Variants in SLC4A10 observed in about 807,000 individuals in gnomAD.
The protein encoded by SLC4A10 is solute carrier family 4 member 10, also known as sodium-driven chloride bicarbonate exchanger.
SLC4A10 carries 42 observed loss-of-function variants against 137.7 expected under a neutral mutation model. The observed-to-expected ratio is 0.30, with a 90% confidence interval of 0.24 to 0.39. The LOEUF (loss-of-function observed/expected upper bound fraction) is 0.39, where lower values mean the gene tolerates loss of function less well. SLC4A10 is among the 10% of genes least tolerant of loss of function. The pLI, the probability that SLC4A10 is intolerant of heterozygous loss-of-function variation, is 1.00. For synonymous variants in SLC4A10, 474 were observed against 464.1 expected, an observed-to-expected ratio of 1.02 and a Z score of -0.27; for missense variants, 925 against 1,355.0, an observed-to-expected ratio of 0.68 and a Z score of 4.98.
intron 16 of SLC4A10, among the ~76,000 whole-genome samples, chr2:161,947,120 A>G (rs1693955947): frequency 6.6e-6 from 1 of 152,126 alleles, no homozygotes; most frequent in Non-Finnish European, 1.5e-5. Context: ...GTTTCCTCAG[A>G]CATGGAATAT....
chr2:161,782,830 A>T (rs997057198), intron 2 of SLC4A10, among the ~76,000 whole-genome samples: 2 of 150,598 alleles, frequency 1.3e-5, no homozygotes, highest in African/African-American at 4.9e-5. Flanking sequence ...GAAAAAGAAT[A>T]AAAAAAGCTT....
intron 1 of SLC4A10, among the ~76,000 whole-genome samples, chr2:161,626,513 C>G (rs1029054668): frequency 2.6e-5 from 4 of 152,086 alleles, no homozygotes; most frequent in Non-Finnish European, 1.5e-5. Context: ...AAGAGGGAAT[C>G]ATATTAGCAG....
intron 1 of SLC4A10, among the ~76,000 whole-genome samples, chr2:161,729,680 T>C (rs2046630215): frequency 6.6e-6 from 1 of 152,104 alleles, no homozygotes; most frequent in East Asian, 1.9e-4. Context: ...ATCTGAAAAA[T>C]TGTGCTCAGA....
chr2:161,686,481 T>G (rs560281680), intron 1 of SLC4A10, among the ~76,000 whole-genome samples: 1 of 152,330 alleles, frequency 6.6e-6, no homozygotes, highest in Admixed American at 6.5e-5. Flanking sequence ...CTTAATTGTC[T>G]CATTCTTCTT....
At chr2:161,910,678 C>T (rs1311812204) in intron 15 of SLC4A10, among the ~76,000 whole-genome samples, 4 of 151,956 alleles carry the variant, frequency 2.6e-5, no homozygotes, top group Non-Finnish European at 5.9e-5. Context: ...ATAATGATTA[C>T]CAAGCTGTTG....
chr2:161,641,857 T>C (rs2035367503), intron 1 of SLC4A10, among the ~76,000 whole-genome samples: 1 of 152,164 alleles, frequency 6.6e-6, no homozygotes, highest in South Asian at 2.1e-4. Context: ...TAAAAATACA[T>C]GAAGCTGCCT....
chr2:161,960,353 G>A (rs1250631667), intron 21 of SLC4A10, among the ~76,000 whole-genome samples: 7 of 120,846 alleles, frequency 5.8e-5, no homozygotes, highest in African/African-American at 2.3e-4. Flanking sequence ...GGCAGAAAGA[G>A]ACTCTGTCTC....
intron 23 of SLC4A10, among the ~76,000 whole-genome samples, chr2:161,970,593 C>T (rs1221840832): frequency 6.6e-6 from 1 of 152,188 alleles, no homozygotes; most frequent in Non-Finnish European, 1.5e-5. Context: ...CTCTAACACT[C>T]TAAGCATATT....
chr2:161,747,455 AC>A (rs1245994771), intron 1 of SLC4A10, among the ~76,000 whole-genome samples: 3 of 151,964 alleles, frequency 2.0e-5, no homozygotes, highest in African/African-American at 7.3e-5. Context: ...GCAATTCAAG[AC>A]TGCTTTCCTG....
chr2:161,907,075 A>AG (rs1479464004), intron 15 of SLC4A10, among the ~76,000 whole-genome samples: 7 of 151,540 alleles, frequency 4.6e-5, no homozygotes, highest in Non-Finnish European at 8.8e-5. Flanking sequence ...AAAAAAAAAA[A>AG]AAAAAAGAAT....
chr2:161,689,509 A>G (rs2041772991), intron 1 of SLC4A10, among the ~76,000 whole-genome samples: 1 of 152,218 alleles, frequency 6.6e-6, no homozygotes, highest in Admixed American at 6.5e-5. Context: ...TATACCTTAT[A>G]GCATAGGTGT....
intron 6 of SLC4A10, among the ~76,000 whole-genome samples, chr2:161,865,027 G>A (rs982599110): frequency 6.6e-6 from 1 of 152,092 alleles, no homozygotes; most frequent in Non-Finnish European, 1.5e-5. Context: ...ACTTTTGCTA[G>A]AAATCAGATA....
intron 15 of SLC4A10, among the ~76,000 whole-genome samples, chr2:161,907,556 A>G (rs1377457631): frequency 1.3e-5 from 2 of 152,230 alleles, no homozygotes; most frequent in African/African-American, 4.8e-5. Context: ...CAGCATAAGG[A>G]AATGAGTGCC....
At chr2:161,637,087 A>G (rs373973820) in intron 1 of SLC4A10, among the ~76,000 whole-genome samples, 1 of 125,338 alleles carries the variant, frequency 8.0e-6, no homozygotes, top group Non-Finnish European at 1.8e-5. Flanking sequence ...ATACGTATAT[A>G]CATATACGTA....
At chr2:161,802,188 C>T (rs373273216) in intron 2 of SLC4A10, among the ~76,000 whole-genome samples, 3 of 152,052 alleles carry the variant, frequency 2.0e-5, no homozygotes, top group South Asian at 2.1e-4. Context: ...TTTCAGCTTT[C>T]GGTTTGCCAG....
chr2:161,892,860 A>C (rs2105190820), intron 10 of SLC4A10, among the ~76,000 whole-genome samples: 2 of 152,184 alleles, frequency 1.3e-5, no homozygotes, highest in Middle Eastern at 6.8e-3. Flanking sequence ...TAAGTACGTA[A>C]TTCCTGAGTA....
At chr2:161,793,956 A>C (rs1003778241) in intron 2 of SLC4A10, among the ~76,000 whole-genome samples, 2 of 152,164 alleles carry the variant, frequency 1.3e-5, no homozygotes, top group Non-Finnish European at 2.9e-5. Flanking sequence ...TATAGCATAA[A>C]AAAATTTTAT....
chr2:161,785,309 A>G (rs2053498261), intron 2 of SLC4A10, among the ~76,000 whole-genome samples: 1 of 151,858 alleles, frequency 6.6e-6, no homozygotes, highest in Non-Finnish European at 1.5e-5. Context: ...AAACATTTGA[A>G]GAAGATTTAT....
intron 1 of SLC4A10, among the ~76,000 whole-genome samples, chr2:161,766,743 TTC>T (rs2050839583): frequency 6.6e-6 from 1 of 152,056 alleles, no homozygotes; most frequent in African/African-American, 2.4e-5. Flanking sequence ...AGTTTTTTTT[TTC>T]TGTTGCTTTT....
Sources: allele counts gnomAD v4.1 joint callset (sites outside exome capture counted in the v4.1 genomes callset), GRCh38; gene constraint gnomAD v4.1.1; transcripts MANE v1.5; gene names NCBI Gene and HGNC (gene_info 2026-07-23, HGNC 2026-07-21).